NRXN3: variants seen among roughly 807,000 people sequenced by gnomAD.
NRXN3 encodes the protein neurexin 3.
A neutral mutation model predicts 137.6 loss-of-function variants in NRXN3; 32 were observed. That is an observed-to-expected ratio of 0.23 (90% CI 0.18 to 0.31). The LOEUF (loss-of-function observed/expected upper bound fraction) is 0.31, where lower values mean the gene tolerates loss of function less well. Among genes scored for constraint, NRXN3 ranks in the 10% least tolerant of loss-of-function variants. NRXN3 has a pLI of 1.00. For synonymous variants in NRXN3, 798 were observed against 784.5 expected (o/e 1.02, Z -0.29); for missense variants, 1,574 against 2,062.5 (o/e 0.76, Z 4.59).
At chr14:79,407,923 A>G (rs2095344985) in intron 15 of NRXN3, among the ~76,000 whole-genome samples, 1 of 151,812 alleles carries the variant, frequency 6.6e-6, no homozygotes, top group Admixed American at 6.6e-5. Context: ...TGATTCACAC[A>G]CTCCTATCAT....
chr14:79,192,765 A>ATTTT (rs961910712), intron 15 of NRXN3, among the ~76,000 whole-genome samples: 48 of 115,284 alleles, frequency 4.2e-4, no homozygotes, highest in East Asian at 1.1e-3. Flanking sequence ...AATTCTCTTA[A>ATTTT]TTTTTTTTTT....
In NRXN3 at chr14:78,427,910, T is replaced by C. The variant is rs575490798; in HGVS notation, c.757+130050T>C. On this transcript the variant is annotated intron_variant, in intron 4 of 20. Transcript: ENST00000335750. ...GGGGTCCCTCCTGATTTCTTGTCCT[T>C]TGGGGGATGTTACCAATTCTTTACT... 3.7e-4 allele frequency among the ~76,000 whole-genome samples: 56 copies of C among 152,318 alleles called. 1 individual carries two copies. In the South Asian group the frequency reaches 8.1e-3, roughly 22 times the overall value.
chr14:78,855,326 T>A (rs572859362), intron 10 of NRXN3, among the ~76,000 whole-genome samples: 2 of 152,318 alleles, frequency 1.3e-5, no homozygotes, highest in South Asian at 4.1e-4. Flanking sequence ...TAAAGTTCAG[T>A]AAAGCAAACA....
At chr14:79,679,332 T>C (rs1323860709) in intron 17 of NRXN3, among the ~76,000 whole-genome samples, 1 of 152,144 alleles carries the variant, frequency 6.6e-6, no homozygotes, top group Non-Finnish European at 1.5e-5. Context: ...ACACGTAAAA[T>C]CACCTATAAT....
Position 79,267,311 on chromosome 14 carries a change from T to C in NRXN3, c.3263-199910T>C, listed in dbSNP as rs150628886. Among the ~76,000 whole-genome samples, 26 of 152,254 alleles carry C rather than the reference T, an allele frequency of 1.7e-4. No homozygotes were observed. In the East Asian group the frequency reaches 4.8e-3, roughly 28 times the overall value. ...TATTTTCTAAACACGCATAAATTTA[T>C]AGTTAAGAGAAAGCATCTCATTTCA... On this transcript the variant is annotated intron_variant, in intron 15 of 20. Coordinates refer to ENST00000335750, the MANE Select transcript of NRXN3 (RefSeq NM_001330195.2).
chr14:79,720,257 A>G (rs952427625), intron 19 of NRXN3, among the ~76,000 whole-genome samples: 1 of 152,126 alleles, frequency 6.6e-6, no homozygotes, highest in South Asian at 2.1e-4. Context: ...AGACTTATTC[A>G]CTACTGTAAG....
intron 4 of NRXN3, among the ~76,000 whole-genome samples, chr14:78,601,929 T>C (rs1363803036): frequency 6.6e-6 from 1 of 152,204 alleles, no homozygotes; most frequent in South Asian, 2.1e-4. Context: ...TCCTCAAAGA[T>C]AAATATTTTA....
rs552950335 is a variant in NRXN3, at chr14:78,205,797, A to G, written c.-704+35123A>G. Among the ~76,000 whole-genome samples, 7 of 152,314 alleles carry G rather than the reference A, an allele frequency of 4.6e-5. No homozygotes were observed. The South Asian group carries it at 1.5e-3, about 32-fold the overall frequency. ...AAGAGTCACTGAAGAGCTCTAAGGAAAGGAGTTGTGTGCTCGAACTGAAAT... is the reference window on the plus strand; with the variant it reads ...AAGAGTCACTGAAGAGCTCTAAGGAGAGGAGTTGTGTGCTCGAACTGAAAT... On this transcript the variant is annotated intron_variant, in intron 1 of 20. Coordinates refer to ENST00000335750, the MANE Select transcript of NRXN3 (RefSeq NM_001330195.2).
intron 15 of NRXN3, among the ~76,000 whole-genome samples, chr14:79,190,149 G>A (rs912725097): frequency 1.3e-5 from 2 of 152,100 alleles, no homozygotes; most frequent in Admixed American, 6.6e-5. Flanking sequence ...CAAAAAAGAA[G>A]GGGAAAATAT....
intron 14 of NRXN3, among the ~76,000 whole-genome samples, chr14:78,974,689 T>C (rs1340230987): frequency 2.0e-5 from 3 of 152,178 alleles, no homozygotes; most frequent in Non-Finnish European, 4.4e-5. Context: ...CTGCTTTTTT[T>C]TTCGATTATT....
intron 4 of NRXN3, among the ~76,000 whole-genome samples, chr14:78,461,372 G>A (rs2094916191): frequency 6.6e-6 from 1 of 151,588 alleles, no homozygotes; most frequent in Non-Finnish European, 1.5e-5. Context: ...CTAGGGGTTT[G>A]CTCTGAGTGT....
intron 19 of NRXN3, among the ~76,000 whole-genome samples, chr14:79,775,134 T>C (rs2139931553): frequency 6.6e-6 from 1 of 152,282 alleles, no homozygotes; most frequent in South Asian, 2.1e-4. Context: ...ATTAATACCA[T>C]ACCGTAATTC....
chr14:78,692,523 C>T (rs961124103), intron 6 of NRXN3, among the ~76,000 whole-genome samples: 3 of 152,082 alleles, frequency 2.0e-5, no homozygotes, highest in Admixed American at 6.5e-5. Context: ...ATCATAACAG[C>T]AAGTGGTTGA....
intron 15 of NRXN3, among the ~76,000 whole-genome samples, chr14:79,060,457 C>A (rs1460991731): frequency 6.6e-6 from 1 of 152,148 alleles, no homozygotes; most frequent in Admixed American, 6.6e-5. Flanking sequence ...TGTCAGGATG[C>A]CACTTTTTCA....
chr14:79,048,617 G>A (rs1429860922), intron 15 of NRXN3, among the ~76,000 whole-genome samples: 2 of 100,674 alleles, frequency 2.0e-5, no homozygotes, highest in African/African-American at 3.5e-5. Context: ...TGAGGCTTCA[G>A]TGAGTCTTTT....
At chr14:79,060,482 C>T (rs1325165848) in intron 15 of NRXN3, among the ~76,000 whole-genome samples, 1 of 152,092 alleles carries the variant, frequency 6.6e-6, no homozygotes, top group Non-Finnish European at 1.5e-5. Flanking sequence ...CATCTCTATT[C>T]CTATGATGGA....
chr14:78,861,319 CTCTT>C, intron 10 of NRXN3, among the ~76,000 whole-genome samples: 1 of 152,200 alleles, frequency 6.6e-6, no homozygotes, highest in East Asian at 1.9e-4. Context: ...TATCTGTCTA[CTCTT>C]TCTATTATCT....
chr14:79,062,088 C>T (rs2152667711), intron 15 of NRXN3, among the ~76,000 whole-genome samples: 1 of 152,246 alleles, frequency 6.6e-6, no homozygotes, highest in East Asian at 1.9e-4. Context: ...TTTATTTAGC[C>T]ACTGGCTATT....
chr14:79,809,759 C>A (rs1339018352), intron 20 of NRXN3, among the ~76,000 whole-genome samples: 1 of 152,140 alleles, frequency 6.6e-6, no homozygotes, highest in Non-Finnish European at 1.5e-5. Flanking sequence ...TAAACTGTTT[C>A]ATTCCCAACT....
Sources: gnomAD v4.1 joint callset for allele counts (sites outside exome capture counted in the v4.1 genomes callset) on GRCh38, gnomAD v4.1.1 for gene constraint, MANE v1.5 for transcripts, NCBI Gene and HGNC (gene_info 2026-07-23, HGNC 2026-07-21) for gene names.